FSHR: variants seen among roughly 807,000 people sequenced by gnomAD.
FSHR encodes follicle stimulating hormone receptor, also known as follicle-stimulating hormone receptor.
Under a neutral mutation model 52.1 loss-of-function variants are expected in FSHR, and 46 were observed. The observed-to-expected ratio is 0.88, with a 90% confidence interval of 0.70 to 1.13. The LOEUF (loss-of-function observed/expected upper bound fraction) is 1.13. FSHR is among the 50% of genes most tolerant of loss of function. FSHR has a pLI of 0.00. For synonymous variants in FSHR, 399 were observed against 309.6 expected, an observed-to-expected ratio of 1.29 and a Z score of -3.03; for missense variants, 964 against 834.6, an observed-to-expected ratio of 1.16 and a Z score of -1.91.
chr2:48,976,629 G>A (rs1380559725), intron 8 of FSHR, among the ~76,000 whole-genome samples: 4 of 152,092 alleles, frequency 2.6e-5, no homozygotes, highest in African/African-American at 4.8e-5. Context: ...TTTTTGGTTG[G>A]TAGGCTATTA....
chr2:49,116,458 T>A (rs1255835047), intron 1 of FSHR, among the ~76,000 whole-genome samples: 1 of 152,190 alleles, frequency 6.6e-6, no homozygotes, highest in Admixed American at 6.5e-5. Flanking sequence ...GTAAGCTATG[T>A]GTTCTCTGAA....
intron 1 of FSHR, among the ~76,000 whole-genome samples, chr2:49,153,334 A>G (rs1051939530): frequency 2.6e-5 from 4 of 152,200 alleles, no homozygotes; most frequent in Non-Finnish European, 5.9e-5. Flanking sequence ...CTGAGTCCCA[A>G]CTTGCCAGTT....
rs190721930 is a variant in FSHR at position 49,108,531 on chromosome 2, C to T, written c.153-40241G>A. Among the ~76,000 whole-genome samples, 68 of 152,280 alleles carry T rather than the reference C, an allele frequency of 4.5e-4. 1 individual carries two copies. The East Asian group carries it at 0.011, about 25-fold the overall frequency. ...GCTTAGAGTTCTGCTACCTTTGGAT[C>T]TGGCTGCAAACTAGGCAGAAGGCTG... On this transcript the variant is annotated intron_variant, in intron 1 of 9. Coordinates refer to ENST00000406846, the MANE Select transcript of FSHR (RefSeq NM_000145.4).
intron 1 of FSHR, among the ~76,000 whole-genome samples, chr2:49,145,739 G>T (rs1672846289): frequency 6.6e-6 from 1 of 152,020 alleles, no homozygotes; most frequent in South Asian, 2.1e-4. Context: ...CAGGGATCTT[G>T]CCTTTCCTAT....
At chr2:49,085,118 C>A (rs548983626) in intron 1 of FSHR, among the ~76,000 whole-genome samples, 2 of 152,088 alleles carry the variant, frequency 1.3e-5, no homozygotes, top group South Asian at 4.1e-4. Flanking sequence ...CAAACTGAAT[C>A]CAGCAGCACA....
intron 8 of FSHR, among the ~76,000 whole-genome samples, chr2:48,973,664 C>T (rs1674844895): frequency 6.6e-6 from 1 of 152,182 alleles, no homozygotes; most frequent in South Asian, 2.1e-4. Flanking sequence ...TTTATCTCTC[C>T]TTGAAGGTAT....
chr2:49,051,820 A>G (rs1385372369), intron 2 of FSHR, among the ~76,000 whole-genome samples: 1 of 152,086 alleles, frequency 6.6e-6, no homozygotes, highest in Admixed American at 6.5e-5. Context: ...TTAAAATTTT[A>G]GTTTTTGCGT....
At chr2:49,125,964 C>G (rs1020126757) in intron 1 of FSHR, among the ~76,000 whole-genome samples, 15 of 152,326 alleles carry the variant, frequency 9.8e-5, no homozygotes, top group African/African-American at 3.4e-4. Flanking sequence ...TAAATAGACA[C>G]TGGGTCTTCT....
At chr2:49,128,719 G>A (rs17038309) in intron 1 of FSHR, among the ~76,000 whole-genome samples, 2,005 of 151,966 alleles carry the variant, frequency 0.013, 37 homozygotes, top group African/African-American at 0.046. Flanking sequence ...ATATGTGGGA[G>A]AAGAGAGGAC....
intron 1 of FSHR, among the ~76,000 whole-genome samples, chr2:49,120,409 A>G (rs141338917): frequency 6.6e-6 from 1 of 152,374 alleles, no homozygotes; most frequent in Non-Finnish European, 1.5e-5. Context: ...CCCTGTGGAT[A>G]ATACTGATGA....
At chr2:48,983,071 C>A in intron 7 of FSHR, 27 bp downstream of exon 7, 1 of 1,612,508 alleles carries the variant, frequency 6.2e-7, no homozygotes, top group Non-Finnish European at 8.5e-7. Context: ...CTTTAAATGG[C>A]CTTGAAGAAT....
Position 49,017,973 on chromosome 2 carries a change from A to T in FSHR, c.300-410T>A, listed in dbSNP as rs537152355. Among the ~76,000 whole-genome samples the T allele has an allele frequency of 8.0e-4, 122 of 152,232 alleles. 1 individual carries two copies. Among genetic ancestry groups the T allele is most frequent in the African/African-American group, 2.8e-3 (115 of 41,544 alleles). ...TGAGTGTTTGTCTGGTCGGGAGGCA[A>T]GAGAAAAAGGAATGAAAGTAATGAA... is the stretch of plus-strand genomic sequence containing the variant. On this transcript the variant is annotated intron_variant, in intron 3 of 9. Coordinates refer to ENST00000406846, the MANE Select transcript of FSHR (RefSeq NM_000145.4).
chr2:49,029,897 G>A (rs1668040113), intron 2 of FSHR, among the ~76,000 whole-genome samples: 1 of 152,136 alleles, frequency 6.6e-6, no homozygotes, highest in African/African-American at 2.4e-5. Context: ...AATTATTTCT[G>A]TGATTCTGTT....
intron 2 of FSHR, among the ~76,000 whole-genome samples, chr2:49,022,806 A>G (rs1667782591): frequency 6.6e-6 from 1 of 152,182 alleles, no homozygotes; most frequent in East Asian, 1.9e-4. Context: ...TTCATCCTCA[A>G]GCACAGAAGC....
chr2:49,036,029 A>G (rs1378548978), intron 2 of FSHR, among the ~76,000 whole-genome samples: 2 of 152,206 alleles, frequency 1.3e-5, no homozygotes, highest in African/African-American at 4.8e-5. Context: ...TCTCAAACCC[A>G]TGATCGATAC....
At chr2:49,084,566 T>G (rs995620771) in intron 1 of FSHR, among the ~76,000 whole-genome samples, 3 of 152,100 alleles carry the variant, frequency 2.0e-5, no homozygotes, top group Non-Finnish European at 4.4e-5. Context: ...GCTGGTTTTC[T>G]GAAAGGATCA....
rs1558422158 is a variant in FSHR at position 49,068,308 on chromosome 2, A to G, written c.153-18T>C. ...CAAACCTCCTGCAAAGAGAGTAGAA[A>G]TAAAATATCACAACCTATCCATTAA... is the stretch of plus-strand genomic sequence containing the variant. On this transcript the variant is annotated intron_variant, in intron 1 of 9. Transcript: ENST00000406846. 1.9e-6 allele frequency: 3 copies of G among 1,596,104 alleles called. No homozygotes were observed. The highest frequency in any genetic ancestry group is 2.6e-6 in the Non-Finnish European group (3 of 1,164,616).
chr2:49,049,762 C>A (rs1225959846), intron 2 of FSHR, among the ~76,000 whole-genome samples: 1 of 150,798 alleles, frequency 6.6e-6, no homozygotes, highest in Non-Finnish European at 1.5e-5. Flanking sequence ...TTGGGAACAT[C>A]TATAAAATTA....
intron 4 of FSHR, among the ~76,000 whole-genome samples, chr2:49,001,769 C>T (rs1244789611): frequency 6.6e-6 from 1 of 152,150 alleles, no homozygotes; most frequent in Admixed American, 6.5e-5. Context: ...ATGTTGGCTT[C>T]ATCCACATTC....
Sources: gnomAD v4.1 joint callset for allele counts (sites outside exome capture counted in the v4.1 genomes callset) on GRCh38, gnomAD v4.1.1 for gene constraint, MANE v1.5 for transcripts, NCBI Gene and HGNC (gene_info 2026-07-23, HGNC 2026-07-21) for gene names.